Variants in ARHGEF10L observed in about 807,000 individuals in gnomAD.
ARHGEF10L encodes rho guanine nucleotide exchange factor 10-like protein.
In ARHGEF10L, 69 loss-of-function variants were observed where a neutral mutation model predicts 141.2. The observed-to-expected ratio is 0.49, with a 90% CI of 0.40 to 0.60. The LOEUF is 0.60. ARHGEF10L is among the 20% of genes least tolerant of loss of function. The probability of loss-of-function intolerance (pLI) is 0.00; values close to 1 mark genes in which losing one functional copy is unlikely to be tolerated. For missense variants in ARHGEF10L, 1,482 were observed against 1,734.3 expected (o/e 0.85, Z 2.58); for synonymous variants, 711 against 718.5 (o/e 0.99, Z 0.17).
rs2061023688 is a variant in ARHGEF10L at position 17,636,712 on chromosome 1, C to G, written c.1928-1176C>G. On this transcript the variant is annotated intron_variant, in intron 18 of 28. Coordinates refer to ENST00000361221, the MANE Select transcript of ARHGEF10L (RefSeq NM_018125.4). ...AGGTGACCATTCAGGTGCCATAGTC[C>G]ATGGAAGCCTTGATATCAGGCAGCA... is the stretch of plus-strand genomic sequence containing the variant. Among the ~76,000 whole-genome samples the G allele has an allele frequency of 2.0e-5, 3 of 152,134 alleles. No homozygotes were observed. In the South Asian group the frequency reaches 6.2e-4, roughly 32 times the overall value.
chr1:17,673,243 C>G lies in ARHGEF10L; in HGVS notation c.3009+8648C>G, dbSNP rs2063437311. The stretch of plus-strand genomic sequence containing the variant: ...GGGCAGTCCTGTCCTTGTGAGCCAC[C>G]CCCCAGTCTTAGCTGGTAGCAGCCA... On this transcript the variant is annotated intron_variant, in intron 26 of 28. Coordinates refer to ENST00000361221, the MANE Select transcript of ARHGEF10L (RefSeq NM_018125.4). The surrounding 1 kb of genome is among the most constrained non-coding windows in gnomAD (Gnocchi z 4.1). Among the ~76,000 whole-genome samples, 1 of 152,010 alleles carries G rather than the reference C, an allele frequency of 6.6e-6. No homozygotes were observed. Among genetic ancestry groups the G allele is most frequent in the Non-Finnish European group, 1.5e-5 (1 of 68,010 alleles).
chr1:17,601,806 G>T (rs576652938), intron 4 of ARHGEF10L, among the ~76,000 whole-genome samples: 1 of 152,300 alleles, frequency 6.6e-6, no homozygotes, highest in Non-Finnish European at 1.5e-5. Flanking sequence ...TTGTATGTGG[G>T]AGAGTGGAGA....
At chr1:17,646,770 G>T (rs11579272) in intron 21 of ARHGEF10L, among the ~76,000 whole-genome samples, 8 of 151,766 alleles carry the variant, frequency 5.3e-5, no homozygotes, top group Non-Finnish European at 7.4e-5. Context: ...GAGGGGCAGC[G>T]TTCCGGACAG....
At chr1:17,520,378 A>G in the ARHGEF10L span, among the ~76,000 whole-genome samples, 1 of 152,102 alleles carries the variant, frequency 6.6e-6, no homozygotes, top group Non-Finnish European at 1.5e-5. Context: ...GACAGACGGG[A>G]CCCTTCCCAG....
At chr1:17,628,856 ATCT>A (rs926347821) in intron 15 of ARHGEF10L, among the ~76,000 whole-genome samples, 14 of 152,054 alleles carry the variant, frequency 9.2e-5, no homozygotes, top group African/African-American at 3.1e-4. Flanking sequence ...CTGCATCAGC[ATCT>A]TTGCTTTCCA....
At position 17,634,419 on chromosome 1, in the gene ARHGEF10L, G is replaced by T. The variant is rs1571120917; in HGVS notation, c.1731-129G>T. The T allele has an allele frequency of 2.0e-6, 3 of 1,494,168 alleles. 1 individual carries two copies. The highest frequency in any genetic ancestry group is 2.3e-5 in the South Asian group (2 of 87,316). 92.6% of individuals were successfully genotyped at this position (1,494,168 alleles called of 1,614,324 possible). ...CTGGCCTCTGATGCCCTCATTCCCC[G>T]CAGGAGGCTGTCTCTCCTTCTATTC... is the stretch of plus-strand genomic sequence containing the variant. On this transcript the variant is annotated intron_variant, in intron 16 of 28. Coordinates refer to ENST00000361221, the MANE Select transcript of ARHGEF10L (RefSeq NM_018125.4).
chr1:17,631,139 T>G (rs2060663230), intron 15 of ARHGEF10L, among the ~76,000 whole-genome samples: 1 of 152,006 alleles, frequency 6.6e-6, no homozygotes, highest in Non-Finnish European at 1.5e-5. Context: ...ATCTGTCCTT[T>G]TATGTCCCGG....
chr1:17,604,839 C>T (rs1293705611), intron 6 of ARHGEF10L: 3 of 152,200 alleles, frequency 2.0e-5, no homozygotes, highest in Non-Finnish European at 2.9e-5. Flanking sequence ...TGTTGTTTAA[C>T]CCATTTGGCC....
chr1:17,545,529 C>T (rs2076886007), intron 1 of ARHGEF10L, among the ~76,000 whole-genome samples: 1 of 152,220 alleles, frequency 6.6e-6, no homozygotes, highest in South Asian at 2.1e-4. Flanking sequence ...TGAGAGCTGA[C>T]TTTGCCATTG....
At chr1:17,574,309 C>T (rs1436329348) in intron 1 of ARHGEF10L, among the ~76,000 whole-genome samples, 5 of 152,146 alleles carry the variant, frequency 3.3e-5, no homozygotes, top group South Asian at 2.1e-4. Context: ...GTATGGGGCC[C>T]GGTGCAGACA....
At chr1:17,669,875 T>C (rs1571413191) in intron 26 of ARHGEF10L, among the ~76,000 whole-genome samples, 1 of 152,184 alleles carries the variant, frequency 6.6e-6, no homozygotes, top group East Asian at 1.9e-4. Flanking sequence ...GCTGGGACTG[T>C]CAGCTTCCGC....
chr1:17,682,296 G>A (rs1235006038), intron 26 of ARHGEF10L, among the ~76,000 whole-genome samples: 5 of 152,054 alleles, frequency 3.3e-5, no homozygotes, highest in Non-Finnish European at 4.4e-5. Context: ...GTCTACCCTC[G>A]TCTCTCCCAT....
chr1:17,574,972 G>A (rs944130952), intron 1 of ARHGEF10L, among the ~76,000 whole-genome samples: 71 of 152,324 alleles, frequency 4.7e-4, no homozygotes, highest in African/African-American at 1.7e-3. Context: ...CCTCTGGGCC[G>A]AAGCCCCACA....
At chr1:17,595,579 C>T (rs140256614) in intron 4 of ARHGEF10L, among the ~76,000 whole-genome samples, 2 of 152,318 alleles carry the variant, frequency 1.3e-5, no homozygotes, top group East Asian at 1.9e-4. Flanking sequence ...GCTCTCTACT[C>T]ATCCAGTAAG....
At chr1:17,665,163 G>C (rs917621702) in intron 26 of ARHGEF10L, among the ~76,000 whole-genome samples, 2 of 152,230 alleles carry the variant, frequency 1.3e-5, no homozygotes, top group Non-Finnish European at 2.9e-5. Flanking sequence ...TCCTGGGCGG[G>C]AGACTCAGCA....
intron 26 of ARHGEF10L, among the ~76,000 whole-genome samples, 183 bp from the exon 27 acceptor site, chr1:17,687,390 C>T (rs2064696240): frequency 6.6e-6 from 1 of 152,240 alleles, no homozygotes; most frequent in Admixed American, 6.5e-5. Context: ...CAACACAGCA[C>T]AGCTGGGCTT....
intron 27 of ARHGEF10L, chr1:17,694,739 G>T (rs557457557): frequency 3.3e-5 from 12 of 362,074 alleles, no homozygotes; most frequent in Non-Finnish European, 6.5e-5. Context: ...CACCAACACC[G>T]ATGAGAAGCT....
chr1:17,618,413 G>A (rs2059924056), intron 9 of ARHGEF10L: 2 of 1,539,310 alleles, frequency 1.3e-6, no homozygotes, highest in East Asian at 2.5e-5. Flanking sequence ...GGTGGGTGCG[G>A]AGTGATGCCC....
intron 6 of ARHGEF10L, among the ~76,000 whole-genome samples, chr1:17,605,619 C>G (rs2081100232): frequency 1.3e-5 from 2 of 152,182 alleles, no homozygotes; most frequent in Non-Finnish European, 2.9e-5. Flanking sequence ...TTACTGTGGC[C>G]AGCCACATCT....
Sources: allele counts gnomAD v4.1 joint callset (sites outside exome capture counted in the v4.1 genomes callset), GRCh38; gene constraint gnomAD v4.1.1; non-coding constraint Gnocchi (gnomAD v3.1); transcripts MANE v1.5; gene names NCBI Gene and HGNC (gene_info 2026-07-23, HGNC 2026-07-21).